Variants in DMD observed in about 807,000 individuals in gnomAD.
DMD encodes mutant dystrophin.
DMD carries 63 observed loss-of-function variants against 330.1 expected under a neutral mutation model. The ratio of observed to expected loss-of-function variants is 0.19; its 90% CI spans 0.16 to 0.24. The LOEUF (loss-of-function observed/expected upper bound fraction) is 0.24, where lower values mean the gene tolerates loss of function less well. DMD is among the 10% of genes least tolerant of loss of function. The pLI, the probability that DMD is intolerant of heterozygous loss-of-function variation, is 1.00. For missense variants in DMD, 3,344 were observed against 2,684.1 expected (o/e 1.25, Z -5.43); for synonymous variants, 1,223 against 959.8 (o/e 1.27, Z -5.07).
At chrX:32,672,730 A>G (rs1421361037) in intron 9 of DMD, among the ~76,000 whole-genome samples, 1 of 110,869 alleles carries the variant, frequency 9.0e-6, no homozygotes, top group Non-Finnish European at 1.9e-5. Context: ...TTTTCCTTTG[A>G]CATAAGCAAA....
intron 2 of DMD, among the ~76,000 whole-genome samples, chrX:32,980,085 G>A (rs966409843): frequency 9.1e-6 from 1 of 110,318 alleles, no homozygotes; most frequent in Non-Finnish European, 1.9e-5. Flanking sequence ...GGGTACAGGG[G>A]CCAGGCGAGG....
At chrX:31,680,897 A>G (rs1274343561) in intron 52 of DMD, among the ~76,000 whole-genome samples, 1 of 112,146 alleles carries the variant, frequency 8.9e-6, no homozygotes, top group Non-Finnish European at 1.9e-5. Context: ...TAATACAGAA[A>G]ACAAGTAATA....
intron 37 of DMD, among the ~76,000 whole-genome samples, chrX:32,352,248 A>C (rs1007710967): frequency 7.2e-5 from 8 of 110,865 alleles, no homozygotes; most frequent in African/African-American, 2.6e-4. Flanking sequence ...ACATTTTCTT[A>C]AAATTTTATA....
At chrX:33,201,334 C>A (rs376505659) in intron 1 of DMD, among the ~76,000 whole-genome samples, 1 of 111,774 alleles carries the variant, frequency 8.9e-6, no homozygotes, top group East Asian at 2.8e-4. Flanking sequence ...TCTGTTCCAT[C>A]ACGATCTCTG....
rs1279579994 is a variant in DMD, at chrX:31,898,442, C to G, written c.6913-23069G>C. On this transcript the variant is annotated intron_variant, in intron 47 of 78. Coordinates refer to ENST00000357033, the MANE Select transcript of DMD (RefSeq NM_004006.3). ...AGAGATATAGATCAATGGAACAGAACAGAGCCCTCAGAAGTAACGCCGCAT... is the reference window on the plus strand; with the variant it reads ...AGAGATATAGATCAATGGAACAGAAGAGAGCCCTCAGAAGTAACGCCGCAT... Among the ~76,000 whole-genome samples the G allele has an allele frequency of 8.1e-5, 9 of 110,524 alleles. No homozygotes were observed. The South Asian group carries it at 3.1e-3, about 38-fold the overall frequency.
intron 50 of DMD, among the ~76,000 whole-genome samples, chrX:31,792,466 G>C (rs1346744112): frequency 5.3e-5 from 6 of 112,307 alleles, no homozygotes; most frequent in Non-Finnish European, 1.1e-4. Flanking sequence ...GGAAATAATA[G>C]GTTCATGAAT....
At chrX:33,043,065 G>C (rs1312275207) in intron 1 of DMD, among the ~76,000 whole-genome samples, 1 of 111,909 alleles carries the variant, frequency 8.9e-6, no homozygotes, top group Non-Finnish European at 1.9e-5. Context: ...TTAATATTTA[G>C]AAGCCACAAA....
chrX:32,027,164 G>GCACACACACACACACACATA (rs2095851598), intron 44 of DMD, among the ~76,000 whole-genome samples: 1 of 89,517 alleles, frequency 1.1e-5, no homozygotes, highest in African/African-American at 4.4e-5. Context: ...ACACGCACGT[G>GCACACACACACACACACATA]CACACACACA....
intron 59 of DMD, among the ~76,000 whole-genome samples, chrX:31,468,693 G>C (rs1013565005): frequency 4.5e-5 from 5 of 111,583 alleles, no homozygotes; most frequent in Admixed American, 9.5e-5. Context: ...TTGGTCCAGA[G>C]CTGAGTTTAA....
chrX:32,129,274 C>T (rs1224047771), intron 44 of DMD, among the ~76,000 whole-genome samples: 1 of 111,372 alleles, frequency 9.0e-6, no homozygotes, highest in Non-Finnish European at 1.9e-5. Flanking sequence ...TAGAATGAGG[C>T]AGTGTCATGC....
intron 1 of DMD, among the ~76,000 whole-genome samples, chrX:33,069,365 C>A (rs1405187732): frequency 9.0e-6 from 1 of 111,497 alleles, no homozygotes; most frequent in East Asian, 2.8e-4. Flanking sequence ...AGGATGTTCA[C>A]GTTGATTTAT....
chrX:31,921,637 T>A lies in DMD; in HGVS notation c.6912+7959A>T, dbSNP rs188534645. ...ATTTTAGTATTACTCCTACTGTTTT[T>A]AATCTAACATTTTTTGAGCAATTAC... is the stretch of plus-strand genomic sequence containing the variant. On this transcript the variant is annotated intron_variant, in intron 47 of 78. Coordinates refer to ENST00000357033, the MANE Select transcript of DMD (RefSeq NM_004006.3). 2.2e-3 allele frequency among the ~76,000 whole-genome samples: 245 copies of A among 112,619 alleles called. 3 individuals are homozygous for A. The highest frequency in any genetic ancestry group is 8.6e-4 in the Non-Finnish European group (46 of 53,343).
intron 7 of DMD, among the ~76,000 whole-genome samples, chrX:32,738,378 T>A (rs1231398096): frequency 8.9e-6 from 1 of 111,779 alleles, no homozygotes; most frequent in East Asian, 2.8e-4. Flanking sequence ...AAATCCAATC[T>A]CTACTTCCTA....
intron 76 of DMD, among the ~76,000 whole-genome samples, chrX:31,143,581 C>G (rs1211723271): frequency 8.9e-6 from 1 of 112,097 alleles, no homozygotes; most frequent in Non-Finnish European, 1.9e-5. Flanking sequence ...CACAGCTTAT[C>G]CATTTTATGC....
At chrX:32,672,709 A>G (rs2061705644) in intron 9 of DMD, among the ~76,000 whole-genome samples, 2 of 110,935 alleles carry the variant, frequency 1.8e-5, no homozygotes, top group South Asian at 7.5e-4. Flanking sequence ...ACTGAGAAAA[A>G]AAGTACTTAT....
At chrX:32,472,726 A>G (rs1177602142) in intron 21 of DMD, among the ~76,000 whole-genome samples, 1 of 111,209 alleles carries the variant, frequency 9.0e-6, no homozygotes, top group Non-Finnish European at 1.9e-5. Flanking sequence ...TTGCCTTGGA[A>G]AAAAAATAGT....
intron 57 of DMD, among the ~76,000 whole-genome samples, chrX:31,484,822 C>T (rs1025022613): frequency 8.9e-6 from 1 of 111,861 alleles, no homozygotes; most frequent in Non-Finnish European, 1.9e-5. Flanking sequence ...TTATTTTGAA[C>T]CTATTAGGTA....
chrX:32,371,249 T>C (rs1462821645), intron 34 of DMD, among the ~76,000 whole-genome samples: 1 of 111,792 alleles, frequency 8.9e-6, no homozygotes, highest in African/African-American at 3.2e-5. Context: ...AAAAACACGG[T>C]AATTTGTTAA....
intron 59 of DMD, among the ~76,000 whole-genome samples, chrX:31,474,351 A>G (rs1169405794): frequency 3.6e-5 from 4 of 110,607 alleles, no homozygotes; most frequent in African/African-American, 1.3e-4. Context: ...ATCAGAATGG[A>G]GGGGGGGTAC....
Sources: allele counts gnomAD v4.1 joint callset (sites outside exome capture counted in the v4.1 genomes callset), GRCh38; gene constraint gnomAD v4.1.1; transcripts MANE v1.5; gene names NCBI Gene and HGNC (gene_info 2026-07-23, HGNC 2026-07-21).